The following LAMA5 variants were observed in gnomAD, a reference collection of about 807,000 sequenced individuals.
LAMA5 encodes the protein laminin subunit alpha 5.
A neutral mutation model predicts 433.4 loss-of-function variants in LAMA5; 260 were observed. That is an observed-to-expected ratio of 0.60 (90% CI 0.54 to 0.66). The LOEUF is 0.66. LAMA5 is among the 30% of genes least tolerant of loss of function. The pLI is 0.00. For synonymous variants in LAMA5, 2,620 were observed against 2,226.6 expected (o/e 1.18, Z -4.97); for missense variants, 5,378 against 5,258.5 (o/e 1.02, Z -0.70).
At chr20:62,312,131 G>C (rs865970393) in intron 69 of LAMA5, 42 bp downstream of exon 69, 1 of 1,609,136 alleles carries the variant, frequency 6.2e-7, no homozygotes, top group African/African-American at 1.3e-5. Flanking sequence ...TGCTCCGACG[G>C]CCACCGCGGG....
chr20:62,328,064 G>A (rs1390942790), intron 35 of LAMA5, 54 bp from the exon 36 acceptor site: 2 of 1,604,020 alleles, frequency 1.2e-6, no homozygotes, highest in African/African-American at 1.3e-5. Flanking sequence ...TCACACCAAA[G>A]TGAGACCTCG....
Position 62,314,633 on chromosome 20 carries a change from C to G in LAMA5, c.8289G>C (p.Lys2763Asn). The change falls in exon 61 of 80, where the codon AAG (lysine) becomes AAC (asparagine). Residue 2763 changes from lysine (K) to asparagine (N), a missense_variant. By Grantham distance (94) the Lys-to-Asn change is moderately conservative. Coordinates refer to ENST00000252999, the MANE Select transcript of LAMA5 (RefSeq NM_005560.6). Reference sequence around the variant, plus strand: ...CAGGCTCTGGGCCCTGCAGGTAGAACTTGAGGGCAGTGTAGGCAGCAAGGT... The same window carrying G: ...CAGGCTCTGGGCCCTGCAGGTAGAAGTTGAGGGCAGTGTAGGCAGCAAGGT... ...LADLAAYTAL[K>N]FYLQGPEPEP... is the part of the protein sequence containing the mutation. 3 of 1,612,626 alleles carry G rather than the reference C, an allele frequency of 1.9e-6. No homozygotes were observed. Among genetic ancestry groups the G allele is most frequent in the Non-Finnish European group, 2.5e-6 (3 of 1,179,926 alleles).
rs1454528372 is a variant in LAMA5, at chr20:62,338,113, G to C, written c.1794C>G (p.Gly598=). 2 of 1,597,982 alleles carry C rather than the reference G, an allele frequency of 1.3e-6. No individual in the cohort carries two copies. The highest frequency in any genetic ancestry group is 1.7e-5 in the Admixed American group (1 of 59,030). Residue 598 remains glycine, a synonymous_variant, in exon 14 of 80, where the codon GGC becomes GGG. Transcript: ENST00000252999. ...ATAGGCAGCGGCCGGCCTCATCGCA[G>C]CCCTCGGGCAAGGTTCCTGCAGGGC... ...GCSPAGTLPE[G]CDEAGRCLCQ...
At position 62,323,661 on chromosome 20, in the gene LAMA5, G is replaced by A. The variant is rs373224849; in HGVS notation, c.5859C>T (p.Pro1953=). ...YAGASCERCA[P]GFFGNPLVLG... ...GCACCAGTGGGTTCCCAAAGAATCC[G>A]GGCGCACACCTGGGAGCAGGGTGGG... Residue 1953 remains proline (P), a synonymous_variant, in exon 45 of 80, where the codon CCC becomes CCT. Transcript: ENST00000252999. The A allele has an allele frequency of 6.4e-5, 103 of 1,608,158 alleles. No homozygotes were observed. The African/African-American group carries it at 7.1e-4, about 11-fold the overall frequency.
intron 2 of LAMA5, among the ~76,000 whole-genome samples, chr20:62,361,986 T>C (rs1429569063): frequency 6.6e-6 from 1 of 150,526 alleles, no homozygotes. Context: ...GAATGTCCAC[T>C]TGCGCCAGCC....
chr20:62,346,310 ATGGGGATGAGGGCTACAGCCAGGCCCCC>A, intron 9 of LAMA5, 95 bp from the exon 10 acceptor site: 1 of 1,483,188 alleles, frequency 6.7e-7, no homozygotes. Context: ...AGCCAGGGCC[ATGGGGATGAGGGCTACAGCCAGGCCCCC>A]TGGGGGGACA....
chr20:62,319,869 T>TG (rs1388499951), intron 50 of LAMA5, 74 bp from the exon 51 acceptor site: 1 of 1,196,678 alleles, frequency 8.4e-7, no homozygotes, highest in African/African-American at 1.5e-5. Flanking sequence ...GCCTGGGGTC[T>TG]GGGGGAGCGC....
intron 6 of LAMA5, among the ~76,000 whole-genome samples, chr20:62,350,466 C>A (rs1204675117): frequency 2.0e-5 from 3 of 152,214 alleles, no homozygotes; most frequent in African/African-American, 7.2e-5. Context: ...CTGCTCGGCA[C>A]TGGCCGTGAG....
At chr20:62,321,762 A>AGTGGGGGAGGAAGGGCCAGCAG (rs1987837974) in intron 48 of LAMA5, among the ~76,000 whole-genome samples, 1 of 27,006 alleles carries the variant, frequency 3.7e-5, no homozygotes, top group Non-Finnish European at 8.1e-5. Context: ...GGGTGGGGTC[A>AGTGGGGGAGGAAGGGCCAGCAG]GTGGGGGAGG....
chr20:62,360,315 G>T (rs1601429679), intron 2 of LAMA5, among the ~76,000 whole-genome samples: 2 of 9,688 alleles, frequency 2.1e-4, no homozygotes, highest in Non-Finnish European at 4.3e-4. Context: ...CATAGGTAGG[G>T]GGGTGGGTGG....
Position 62,316,931 on chromosome 20 carries a change from G to T in LAMA5, c.7604C>A (p.Ala2535Asp). ...YSRILQAVQA[A>D]EDAAGQALQQ... ...CAGGGCCTGGCCAGCAGCATCCTCG[G>T]CAGCCTGCACGGCCTGCAGGATGCG... Residue 2535 changes from alanine to aspartate, a missense_variant, in exon 56 of 80, where the codon GCC (alanine) becomes GAC (aspartate). Coordinates refer to ENST00000252999, the MANE Select transcript of LAMA5 (RefSeq NM_005560.6). The T allele has an allele frequency of 6.4e-7, 1 of 1,557,982 alleles. No individual in the cohort carries two copies. Among genetic ancestry groups the T allele is most frequent in the Non-Finnish European group, 8.7e-7 (1 of 1,149,348 alleles).
At chr20:62,348,184 G>A (rs1276489103) in intron 6 of LAMA5, among the ~76,000 whole-genome samples, 1 of 152,166 alleles carries the variant, frequency 6.6e-6, no homozygotes, top group Non-Finnish European at 1.5e-5. Flanking sequence ...GAAGCACAAA[G>A]ATAAACCCTG....
rs772207510 is a variant in LAMA5 at position 62,338,490 on chromosome 20, C to A, written c.1596G>T (p.Gly532=). Residue 532 remains glycine, a synonymous_variant, in exon 12 of 80, where the codon GGG becomes GGT. Transcript: ENST00000252999. ...CACGCTGGCAGCCGGGGCCGTAGAA[C>A]CCTGGCGCGCAGAGCTCACAATGGG... is the stretch of plus-strand genomic sequence containing the variant. ...QGTHCELCAP[G]FYGPGCQPCQ... 5 of 1,608,950 alleles carry A rather than the reference C, an allele frequency of 3.1e-6. No homozygotes were observed. The Admixed American group carries it at 5.1e-5, about 16-fold the overall frequency.
At chr20:62,336,225 C>T in intron 18 of LAMA5, 115 bp downstream of exon 18, 1 of 716,498 alleles carries the variant, frequency 1.4e-6, no homozygotes, top group East Asian at 2.7e-5. Context: ...CCAGGGCACA[C>T]TCACTGGCTC....
intron 50 of LAMA5, 53 bp downstream of exon 50, chr20:62,320,505 CG>C (rs1471575072): frequency 1.5e-6 from 2 of 1,366,526 alleles, no homozygotes; most frequent in Non-Finnish European, 2.0e-6. Flanking sequence ...AAGCGAACCG[CG>C]GGGAACACAG....
chr20:62,358,228 C>A (rs973479290), intron 2 of LAMA5, among the ~76,000 whole-genome samples: 2 of 152,158 alleles, frequency 1.3e-5, no homozygotes, highest in African/African-American at 4.8e-5. Flanking sequence ...GGCATGGCAG[C>A]CCCTTGGGCC....
Position 62,351,912 on chromosome 20 carries a change from G to A in LAMA5, c.855C>T (p.Arg285=). 1 of 1,601,860 alleles carries A rather than the reference G, an allele frequency of 6.2e-7. No homozygotes were observed. The highest frequency in any genetic ancestry group is 1.7e-5 in the Admixed American group (1 of 58,302). The stretch of plus-strand genomic sequence containing the variant: ...GCCTGCGCCATGGGCAGCTCACCCG[G>A]CGGGTGACCGTGGGGTCCCGCAGCG... ...GKALRDPTVT[R]RYYYSIKDIS... The change falls in exon 5 of 80, where the codon CGC becomes CGT. Residue 285 remains arginine (R), a synonymous_variant. Transcript: ENST00000252999.
intron 20 of LAMA5, 90 bp downstream of exon 20, chr20:62,334,931 G>A (rs1335613862): frequency 8.0e-7 from 1 of 1,248,210 alleles, no homozygotes; most frequent in Non-Finnish European, 1.2e-6. Context: ...ATGCTGCCCA[G>A]GCTGCACTTG....
At chr20:62,335,169 C>T (rs34472955) in intron 19 of LAMA5, 43 bp from the exon 20 acceptor site, 1 of 1,612,474 alleles carries the variant, frequency 6.2e-7, no homozygotes, top group Non-Finnish European at 8.5e-7. Context: ...GGGGAGGGTC[C>T]TGACCAGTGT....
Sources: gnomAD v4.1 joint callset for allele counts (sites outside exome capture counted in the v4.1 genomes callset) on GRCh38, gnomAD v4.1.1 for gene constraint, MANE v1.5 for transcripts, NCBI Gene and HGNC (gene_info 2026-07-23, HGNC 2026-07-21) for gene names.